PLXNC1: variants seen among roughly 807,000 people sequenced by gnomAD.
PLXNC1 encodes the protein plexin-C1.
In PLXNC1, 75 loss-of-function variants were observed where a neutral mutation model predicts 178.2. That is an observed-to-expected ratio of 0.42 (90% CI 0.35 to 0.51). The LOEUF (loss-of-function observed/expected upper bound fraction) is 0.51. PLXNC1 is among the 20% of genes least tolerant of loss of function. The pLI is 0.02. For synonymous variants in PLXNC1, 790 were observed against 779.9 expected (o/e 1.01, Z -0.22); for missense variants, 1,503 against 1,984.4 (o/e 0.76, Z 4.61).
chr12:94,203,909 G>A (rs1341442595), intron 4 of PLXNC1, among the ~76,000 whole-genome samples: 1 of 152,172 alleles, frequency 6.6e-6, no homozygotes, highest in Admixed American at 6.5e-5. Context: ...CTTTGTGAAT[G>A]GATTAATGCC....
chr12:94,304,080 C>G, intron 30 of PLXNC1, 29 bp downstream of exon 30: 1 of 1,328,292 alleles, frequency 7.5e-7, no homozygotes, highest in Non-Finnish European at 1.1e-6. Context: ...TTGTTTTTAA[C>G]CTTTGAATCA....
intron 23 of PLXNC1, among the ~76,000 whole-genome samples, chr12:94,283,049 G>C (rs1442777863): frequency 6.6e-6 from 1 of 152,182 alleles, no homozygotes; most frequent in Non-Finnish European, 1.5e-5. Flanking sequence ...AGTATTATCT[G>C]AATCTTTGTT....
rs577338166 is a variant in PLXNC1 at position 94,221,162 on chromosome 12, A to G, written c.1702+999A>G. ...GCTGGAATGTAAGCCCCATGGAGGC[A>G]GGGACTTGGAGAAGACATCTTCACT... On this transcript the variant is annotated intron_variant, in intron 6 of 30. Coordinates refer to ENST00000258526, the MANE Select transcript of PLXNC1 (RefSeq NM_005761.3). 5.3e-5 allele frequency among the ~76,000 whole-genome samples: 8 copies of G among 152,362 alleles called. No homozygotes were observed. The South Asian group carries it at 1.7e-3, about 32-fold the overall frequency.
chr12:94,197,106 A>G (rs920420706), intron 4 of PLXNC1, among the ~76,000 whole-genome samples: 1 of 152,112 alleles, frequency 6.6e-6, no homozygotes, highest in African/African-American at 2.4e-5. Flanking sequence ...CATCTTCAAA[A>G]CCAACAGTGT....
intron 2 of PLXNC1, among the ~76,000 whole-genome samples, chr12:94,170,167 CAACTGATCTCCCACAGAT>C (rs1460718890): frequency 6.6e-6 from 1 of 152,192 alleles, no homozygotes; most frequent in Admixed American, 6.5e-5. Context: ...CTGTTTCCCT[CAACTGATCTCCCACAGAT>C]AACTCGCTGT....
At chr12:94,300,777 T>G (rs1968388425) in intron 27 of PLXNC1, 133 bp from the exon 28 acceptor site, 1 of 608,812 alleles carries the variant, frequency 1.6e-6, no homozygotes. Context: ...GTCTGTTGCT[T>G]GGTATGTTTG....
intron 5 of PLXNC1, among the ~76,000 whole-genome samples, chr12:94,212,999 G>A (rs752798317): frequency 6.6e-6 from 1 of 152,198 alleles, no homozygotes; most frequent in African/African-American, 2.4e-5. Context: ...GATTACAGGC[G>A]TGAGCCACCG....
chr12:94,246,314 G>T (rs1212965026), intron 12 of PLXNC1, among the ~76,000 whole-genome samples: 1 of 152,222 alleles, frequency 6.6e-6, no homozygotes, highest in Admixed American at 6.5e-5. Flanking sequence ...TCTCTGGGCT[G>T]ACAGTAGCTC....
intron 23 of PLXNC1, among the ~76,000 whole-genome samples, chr12:94,284,962 G>A (rs1440766592): frequency 1.3e-5 from 2 of 152,224 alleles, no homozygotes; most frequent in African/African-American, 2.4e-5. Flanking sequence ...AGAAGCTGTG[G>A]ATTTCTGGTG....
At chr12:94,192,237 A>T (rs931477102) in intron 4 of PLXNC1, among the ~76,000 whole-genome samples, 3 of 152,194 alleles carry the variant, frequency 2.0e-5, no homozygotes, top group Non-Finnish European at 4.4e-5. Flanking sequence ...GAGAAATCGG[A>T]TGCCATTCTT....
Position 94,149,401 on chromosome 12 carries a change from C to G in PLXNC1, c.430C>G (p.Arg144Gly). ...GGTGCGGCCCCTGGGCAACCTGAGC[C>G]GCAACTCCCTGCGCAACGGCACCGA... ...CEVRPLGNLSRNSLRNGTEVV... is the reference protein window; with the variant it reads ...CEVRPLGNLSGNSLRNGTEVV... Residue 144 changes from arginine to glycine, a missense_variant, in exon 1 of 31, where the codon CGC becomes GGC. Physicochemically the swap from Arg to Gly is moderately radical, Grantham distance 125 (BLOSUM62 -2). This residue lies in a region of PLXNC1 where 73 missense variants were observed against 125.4 expected (regional missense o/e 0.58). Transcript: ENST00000258526. 2.8e-6 allele frequency: 4 copies of G among 1,433,774 alleles called. No homozygotes were observed. The highest frequency in any genetic ancestry group is 3.6e-6 in the Non-Finnish European group (4 of 1,103,728). The allele number at this position is 1,433,774 out of a possible 1,614,324, so 88.8% of individuals were successfully genotyped here.
chr12:94,304,164 G>A, intron 30 of PLXNC1, 113 bp downstream of exon 30: 1 of 679,304 alleles, frequency 1.5e-6, no homozygotes, highest in Non-Finnish European at 2.5e-6. Context: ...AGAAAGGGAA[G>A]CCAGGAAGCC....
intron 2 of PLXNC1, among the ~76,000 whole-genome samples, chr12:94,175,076 C>T (rs1476159091): frequency 6.6e-6 from 1 of 152,120 alleles, no homozygotes; most frequent in Non-Finnish European, 1.5e-5. Context: ...AAATACTTAC[C>T]TTGCTTTCTC....
At chr12:94,213,634 C>T (rs893716100) in intron 5 of PLXNC1, among the ~76,000 whole-genome samples, 4 of 152,036 alleles carry the variant, frequency 2.6e-5, no homozygotes, top group Admixed American at 6.6e-5. Context: ...TTTCTTTTGC[C>T]GTGCAGAAGC....
intron 2 of PLXNC1, among the ~76,000 whole-genome samples, chr12:94,177,053 A>G (rs576974841): frequency 1.1e-3 from 150 of 137,496 alleles, no homozygotes; most frequent in African/African-American, 3.7e-3. Context: ...TTTCATATAT[A>G]TGTGTGTGTG....
At chr12:94,211,216 G>T (rs1160939010) in intron 5 of PLXNC1, among the ~76,000 whole-genome samples, 1 of 152,122 alleles carries the variant, frequency 6.6e-6, no homozygotes, top group Admixed American at 6.5e-5. Context: ...CTCGCCCTAA[G>T]TCCCACTGTG....
rs185294412 is a variant in PLXNC1 at position 94,182,716 on chromosome 12, C to T, written c.1338+1136C>T. Among the ~76,000 whole-genome samples the T allele has an allele frequency of 1.7e-3, 254 of 150,112 alleles. 2 individuals carry two copies. Among genetic ancestry groups the T allele is most frequent in the Admixed American group, 0.014 (215 of 15,084 alleles). On this transcript the variant is annotated intron_variant, in intron 3 of 30. Coordinates refer to ENST00000258526, the MANE Select transcript of PLXNC1 (RefSeq NM_005761.3). ...CCCCAGCCTGGGCAACAGAGTGAGA[C>T]TCTGTCTCAAAAAAGAAAAAAAAAA...
At chr12:94,186,729 G>A (rs1962524323) in intron 4 of PLXNC1, 2 of 397,674 alleles carry the variant, frequency 5.0e-6, no homozygotes, top group African/African-American at 4.0e-5. Flanking sequence ...AGGAGAACGG[G>A]AGAGAGCAGG....
intron 4 of PLXNC1, among the ~76,000 whole-genome samples, chr12:94,187,188 GAGAGAA>G (rs1448681907): frequency 9.5e-5 from 9 of 94,252 alleles, no homozygotes; most frequent in African/African-American, 2.3e-4. Flanking sequence ...GAGAGAGAGA[GAGAGAA>G]AAAAAAACCC....
Sources: gnomAD v4.1 joint callset for allele counts (sites outside exome capture counted in the v4.1 genomes callset) on GRCh38, gnomAD v4.1.1 for gene constraint, gnomAD v4.1.1 regional missense constraint, MANE v1.5 for transcripts, NCBI Gene and HGNC (gene_info 2026-07-23, HGNC 2026-07-21) for gene names.